The following ARG2 variants were observed in gnomAD, a reference collection of about 807,000 sequenced individuals.
ARG2 encodes the protein arginase-2, mitochondrial.
A neutral mutation model predicts 39.4 loss-of-function variants in ARG2; 21 were observed. The ratio of observed to expected loss-of-function variants is 0.53; its 90% CI spans 0.38 to 0.77. ARG2 has a LOEUF of 0.77. Ranked by LOEUF, ARG2 falls within the 30% of genes least tolerant of loss-of-function variation. ARG2 has a pLI of 0.00. For synonymous variants in ARG2, 150 were observed against 156.7 expected, an observed-to-expected ratio of 0.96 and a Z score of 0.32; for missense variants, 378 against 426.2, an observed-to-expected ratio of 0.89 and a Z score of 1.00.
chr14:67,651,502 G>A lies in ARG2; in HGVS notation c.*582G>A, dbSNP rs573692573. The A allele has an allele frequency of 8.7e-6, 14 of 1,612,290 alleles. No individual in the cohort carries two copies. Among genetic ancestry groups the A allele is most frequent in the South Asian group, 7.7e-5 (7 of 90,908 alleles). Reference sequence around the variant, plus strand: ...TCACTCTACAAAGAGAAGCAAAGTGGGGAGTAGTCAGAAGTTTGGATAACC... The same window carrying A: ...TCACTCTACAAAGAGAAGCAAAGTGAGGAGTAGTCAGAAGTTTGGATAACC... On this transcript the variant is annotated 3_prime_UTR_variant, in exon 8 of 8. Coordinates refer to ENST00000261783, the MANE Select transcript of ARG2 (RefSeq NM_001172.4).
chr14:67,620,806 G>T (rs1412803725), intron 1 of ARG2, 88 bp from the exon 2 acceptor site: 1 of 1,349,478 alleles, frequency 7.4e-7, no homozygotes, highest in African/African-American at 1.4e-5. Context: ...CAGGTTTTCA[G>T]AGGAACCTGC....
chr14:67,624,525 T>C (rs1037889675), intron 2 of ARG2, among the ~76,000 whole-genome samples: 13 of 152,178 alleles, frequency 8.5e-5, no homozygotes, highest in Non-Finnish European at 1.6e-4. Context: ...GCACGTCTTA[T>C]ATGGCAGGAG....
intron 2 of ARG2, among the ~76,000 whole-genome samples, chr14:67,631,484 G>A (rs1234403776): frequency 7.4e-6 from 1 of 135,174 alleles, no homozygotes; most frequent in Non-Finnish European, 1.5e-5. Context: ...CATCCAGGCT[G>A]GAGTACAGTG....
At chr14:67,640,610 G>C (rs889534648) in intron 2 of ARG2, among the ~76,000 whole-genome samples, 1 of 152,160 alleles carries the variant, frequency 6.6e-6, no homozygotes, top group African/African-American at 2.4e-5. Flanking sequence ...ACAAATCTCT[G>C]CAAATATTAA....
intron 2 of ARG2, among the ~76,000 whole-genome samples, chr14:67,625,427 C>T: frequency 6.6e-6 from 1 of 151,984 alleles, no homozygotes; most frequent in African/African-American, 2.4e-5. Context: ...GCCTGTAATC[C>T]CAGCACTTTG....
At chr14:67,631,079 TCTCTC>T (rs891758168) in intron 2 of ARG2, among the ~76,000 whole-genome samples, 2 of 152,106 alleles carry the variant, frequency 1.3e-5, no homozygotes, top group African/African-American at 4.8e-5. Context: ...TCATGGCTCT[TCTCTC>T]CTAACCTGTC....
rs3070464 is a variant in ARG2, at chr14:67,627,256, G to GATATATATATATATATATATATAT, written c.184+6293_184+6316dup. The stretch of plus-strand genomic sequence containing the variant: ...ACTAGGCAATTGTGATCAGTAAGGA[G>GATATATATATATATATATATATAT]ATATATATATATATATATATATATA... On this transcript the variant is annotated intron_variant, in intron 2 of 7. Coordinates refer to ENST00000261783, the MANE Select transcript of ARG2 (RefSeq NM_001172.4). 1.2e-3 allele frequency among the ~76,000 whole-genome samples: 160 copies of GATATATATATATATATATATATAT among 133,668 alleles called. 2 individuals are homozygous for GATATATATATATATATATATATAT. Among genetic ancestry groups the GATATATATATATATATATATATAT allele is most frequent in the African/African-American group, 3.9e-3 (131 of 33,776 alleles). 87.7% of individuals were successfully genotyped at this position (133,668 alleles called of 152,430 possible). A position where few individuals can be genotyped will look rare whatever the true frequency, so the allele number is the denominator to read the frequency against.
rs1184817054 is a variant in ARG2, at chr14:67,651,434, A to G, written c.*514A>G. The G allele has an allele frequency of 6.2e-7, 1 of 1,613,944 alleles. No homozygotes were observed. The highest frequency in any genetic ancestry group is 8.5e-7 in the Non-Finnish European group (1 of 1,179,902). On this transcript the variant is annotated 3_prime_UTR_variant, in exon 8 of 8. Coordinates refer to ENST00000261783, the MANE Select transcript of ARG2 (RefSeq NM_001172.4). Reference sequence around the variant, plus strand: ...GTAAACCAGGCCTCCCAGGATGGCGAGCTCCAGTAAGATGATAATGGAAAG... The same window carrying G: ...GTAAACCAGGCCTCCCAGGATGGCGGGCTCCAGTAAGATGATAATGGAAAG...
intron 3 of ARG2, 124 bp from the exon 4 acceptor site, chr14:67,645,519 C>G: frequency 9.2e-7 from 1 of 1,085,842 alleles, no homozygotes; most frequent in Non-Finnish European, 1.3e-6. Context: ...CACCCAAACC[C>G]AGTCTCCATC....
At chr14:67,638,321 G>A (rs2036994069) in intron 2 of ARG2, among the ~76,000 whole-genome samples, 1 of 151,738 alleles carries the variant, frequency 6.6e-6, no homozygotes. Flanking sequence ...CCCAGGAGTT[G>A]GAGACCAGCC....
rs147509227 is a variant in ARG2, at chr14:67,627,514, G to A, written c.184+6548G>A. Among the ~76,000 whole-genome samples, 952 of 152,226 alleles carry A rather than the reference G, an allele frequency of 6.3e-3. 10 individuals are homozygous for A. The highest frequency in any genetic ancestry group is 0.021 in the African/African-American group (886 of 41,494). ...GCATCTCTGAGGTGCCTTTTGAACAGTGTCATATCTTTGGGACAAGAATTG... is the reference window on the plus strand; with the variant it reads ...GCATCTCTGAGGTGCCTTTTGAACAATGTCATATCTTTGGGACAAGAATTG... On this transcript the variant is annotated intron_variant, in intron 2 of 7. Transcript: ENST00000261783.
intron 2 of ARG2, among the ~76,000 whole-genome samples, chr14:67,636,439 C>T (rs116144143): frequency 0.083 from 12,706 of 152,278 alleles, 556 homozygotes; most frequent in Middle Eastern, 0.18. Flanking sequence ...AGAATGAGCA[C>T]GTATCTGTAG....
At chr14:67,650,408 C>G (rs1233812906) in intron 7 of ARG2, 2 of 343,472 alleles carry the variant, frequency 5.8e-6, no homozygotes, top group African/African-American at 2.1e-5. Flanking sequence ...AAACCTCCCC[C>G]ACCCAACACC....
At chr14:67,634,968 GCGCACGGTGGCTCA>G (rs2036955954) in intron 2 of ARG2, among the ~76,000 whole-genome samples, 1 of 152,200 alleles carries the variant, frequency 6.6e-6, no homozygotes, top group Non-Finnish European at 1.5e-5. Flanking sequence ...CTTTGGCTGG[GCGCACGGTGGCTCA>G]CGCCTGTAAT....
At chr14:67,648,215 C>T (rs1406606687) in intron 7 of ARG2, 32 bp downstream of exon 7, 4 of 1,599,040 alleles carry the variant, frequency 2.5e-6, no homozygotes, top group East Asian at 4.5e-5. Flanking sequence ...AGCCTGTTAA[C>T]TACATAGGTA....
chr14:67,631,009 T>C (rs927363532), intron 2 of ARG2, among the ~76,000 whole-genome samples: 2 of 152,286 alleles, frequency 1.3e-5, no homozygotes, highest in Non-Finnish European at 2.9e-5. Flanking sequence ...CTCCCTATGC[T>C]CTAGACCCCC....
chr14:67,640,789 T>C (rs542103397), intron 2 of ARG2, among the ~76,000 whole-genome samples: 1 of 152,296 alleles, frequency 6.6e-6, no homozygotes, highest in South Asian at 2.1e-4. Context: ...TGGGGAAATA[T>C]TCAAAGCTGT....
intron 3 of ARG2, among the ~76,000 whole-genome samples, chr14:67,643,851 G>GGA (rs2037062831): frequency 6.1e-5 from 2 of 33,030 alleles, no homozygotes; most frequent in Admixed American, 4.6e-4. Context: ...CTCCTTGGGA[G>GGA]TAAAAAAAAA....
At chr14:67,646,267 G>A (rs1295747637) in intron 4 of ARG2, among the ~76,000 whole-genome samples, 1 of 152,186 alleles carries the variant, frequency 6.6e-6, no homozygotes, top group Non-Finnish European at 1.5e-5. Context: ...GAAGTCCTGT[G>A]TCGGCTGTTG....
Sources: allele counts gnomAD v4.1 joint callset (sites outside exome capture counted in the v4.1 genomes callset), GRCh38; gene constraint gnomAD v4.1.1; transcripts MANE v1.5; gene names NCBI Gene and HGNC (gene_info 2026-07-23, HGNC 2026-07-21).